The following MTOR variants were observed in gnomAD, a reference collection of about 807,000 sequenced individuals.
The protein encoded by MTOR is serine/threonine-protein kinase mTOR.
In MTOR, 70 loss-of-function variants were observed where a neutral mutation model predicts 319.8. The observed-to-expected ratio is 0.22, with a 90% CI of 0.18 to 0.27. MTOR has a LOEUF of 0.27. MTOR is among the 10% of genes least tolerant of loss of function. The pLI is 1.00. For synonymous variants in MTOR, 1,183 were observed against 1,211.4 expected, an observed-to-expected ratio of 0.98 and a Z score of 0.49; for missense variants, 1,890 against 3,274.4, an observed-to-expected ratio of 0.58 and a Z score of 10.32.
intron 20 of MTOR, among the ~76,000 whole-genome samples, chr1:11,214,696 T>C (rs1327235082): frequency 6.6e-6 from 1 of 152,242 alleles, no homozygotes; most frequent in African/African-American, 2.4e-5. Context: ...TAGAAGATGC[T>C]GGTAAAACTT....
In MTOR at chr1:11,199,510, C is replaced by T. The variant is rs182866959; in HGVS notation, c.4107+31G>A. The T allele has an allele frequency of 3.7e-4, 601 of 1,613,884 alleles. 1 individual carries two copies. Among genetic ancestry groups the T allele is most frequent in the Admixed American group, 6.0e-4 (36 of 60,012 alleles). ...CTCCCACCAGCTGGTTCCCTGTCAGCCTCCATCTGGACAATGGGGAAAAGT... is the reference window on the plus strand; with the variant it reads ...CTCCCACCAGCTGGTTCCCTGTCAGTCTCCATCTGGACAATGGGGAAAAGT... On this transcript the variant is annotated intron_variant, in intron 27 of 57. Coordinates refer to ENST00000361445, the MANE Select transcript of MTOR (RefSeq NM_004958.4). The surrounding 1 kb of genome is among the most constrained non-coding windows in gnomAD (Gnocchi z 4.5).
At chr1:11,238,235 C>T (rs1475322839) in intron 12 of MTOR, among the ~76,000 whole-genome samples, 167 bp downstream of exon 12, 1 of 152,220 alleles carries the variant, frequency 6.6e-6, no homozygotes, top group Admixed American at 6.5e-5. Context: ...GATTATCTTA[C>T]ACCAAAGGCT....
In MTOR at chr1:11,234,169, G is replaced by A. The variant is rs755081819; in HGVS notation, c.2305C>T (p.Arg769Cys). Residue 769 changes from arginine to cysteine, a missense_variant, in exon 14 of 58, where the codon CGC becomes TGC. By Grantham distance (180) the Arg-to-Cys change is radical. This residue lies in a region of MTOR where 377 missense variants were observed against 653.9 expected (regional missense o/e 0.58). Coordinates refer to ENST00000361445, the MANE Select transcript of MTOR (RefSeq NM_004958.4). Reference sequence around the variant, plus strand: ...TTCAGAATAGGCTCCATGTAGGGGCGGATGAGTCGGGGGGCATTGGAGACC... The same window carrying A: ...TTCAGAATAGGCTCCATGTAGGGGCAGATGAGTCGGGGGGCATTGGAGACC... ...HLVSNAPRLI[R>C]PYMEPILKAL... The A allele has an allele frequency of 5.0e-6, 8 of 1,614,018 alleles. No individual in the cohort carries two copies. The highest frequency in any genetic ancestry group is 1.3e-5 in the African/African-American group (1 of 74,912).
At chr1:11,249,673 G>A (rs373387877) in intron 6 of MTOR, among the ~76,000 whole-genome samples, 9 of 137,998 alleles carry the variant, frequency 6.5e-5, no homozygotes, top group South Asian at 5.5e-4. Flanking sequence ...ATCTTGCACC[G>A]CCCTTAATCC....
rs1642910883 is a variant in MTOR, at chr1:11,127,678, C to T, written c.6162G>A (p.Leu2054=). 3 of 1,614,090 alleles carry T rather than the reference C, an allele frequency of 1.9e-6. No individual in the cohort carries two copies. Among genetic ancestry groups the T allele is most frequent in the Admixed American group, 1.7e-5 (1 of 60,026 alleles). The change falls in exon 44 of 58, where the codon TTG becomes TTA. Residue 2054 remains leucine (L), a synonymous_variant. Transcript: ENST00000361445. This position sits in a 1 kb window ranked among gnomAD's most constrained non-coding sequence, Gnocchi z 5.5. ...GGGGGCCCCGTTCCATCATAGCATG[C>T]AAGGGCTCCAGCACCTCAAACATGC... is the stretch of plus-strand genomic sequence containing the variant. ...VKGMFEVLEP[L]HAMMERGPQT...
Position 11,247,648 on chromosome 1 carries a change from G to A in MTOR, c.1202C>T (p.Ala401Val), listed in dbSNP as rs750778887. ...TILNLLPRLA[A>V]FRPSAFTDTQ... ...ACCTGTGAAGGCAGAAGGTCGGAAT[G>A]CAGCCAAGCGGGGCAACAAATTAAG... Residue 401 changes from alanine (A) to valine (V), a missense_variant, in exon 8 of 58, where the codon GCA (alanine) becomes GTA (valine). Physicochemically the swap from Ala to Val is moderately conservative, Grantham distance 64. Transcript: ENST00000361445. 1.2e-6 allele frequency: 2 copies of A among 1,614,080 alleles called. No homozygotes were observed. Among genetic ancestry groups the A allele is most frequent in the African/African-American group, 1.3e-5 (1 of 74,932 alleles).
intron 18 of MTOR, among the ~76,000 whole-genome samples, chr1:11,229,405 G>A (rs1191518980): frequency 6.6e-6 from 1 of 152,146 alleles, no homozygotes; most frequent in African/African-American, 2.4e-5. Context: ...GGCAGCGGGG[G>A]CAGTGGCAAG....
rs187468431 is a variant in MTOR, at chr1:11,160,004, T to C, written c.4330-2713A>G. On this transcript the variant is annotated intron_variant, in intron 29 of 57. Transcript: ENST00000361445. Reference sequence around the variant, plus strand: ...ATTTTAAATATTGGTAGGCCAAAGATGGCAGTAGGGAAGTAGCTATGTAAG... The same window carrying C: ...ATTTTAAATATTGGTAGGCCAAAGACGGCAGTAGGGAAGTAGCTATGTAAG... Among the ~76,000 whole-genome samples, 533 of 152,258 alleles carry C rather than the reference T, an allele frequency of 3.5e-3. 6 individuals are homozygous for C. The highest frequency in any genetic ancestry group is 0.012 in the African/African-American group (504 of 41,548).
chr1:11,258,299 G>A (rs1406124161), intron 3 of MTOR, among the ~76,000 whole-genome samples, 186 bp downstream of exon 3: 2 of 152,276 alleles, frequency 1.3e-5, no homozygotes, highest in Non-Finnish European at 2.9e-5. Flanking sequence ...ATGGTTCCGA[G>A]ACTCCACTTC....
At position 11,127,045 on chromosome 1, in the gene MTOR, G is replaced by A. The variant is rs2100401440; in HGVS notation, c.6316C>T (p.His2106Tyr). 1 of 1,614,194 alleles carries A rather than the reference G, an allele frequency of 6.2e-7. No homozygotes were observed. Among genetic ancestry groups the A allele is most frequent in the Non-Finnish European group, 8.5e-7 (1 of 1,180,042 alleles). Residue 2106 changes from histidine (H) to tyrosine (Y), a missense_variant, in exon 45 of 58, where the codon CAT (histidine) becomes TAT (tyrosine). Transcript: ENST00000361445. The surrounding 1 kb of genome is among the most constrained non-coding windows in gnomAD (Gnocchi z 5.5). ...DLTQAWDLYY[H>Y]VFRRISKQLP... ...TGCTTTGAGATTCGTCGGAACACAT[G>A]ATAATAGAGGTCCCAGGCTTGGGTG...
At chr1:11,161,615 T>G (rs982450841) in intron 29 of MTOR, among the ~76,000 whole-genome samples, 1 of 152,118 alleles carries the variant, frequency 6.6e-6, no homozygotes, top group Admixed American at 6.5e-5. Flanking sequence ...GCAGCAACAT[T>G]GGCTGCTCTG....
In MTOR at chr1:11,212,459, A is replaced by G; in HGVS notation, c.3414T>C (p.Thr1138=). ...CCAGGGACTCCGTCAGGCGGTCCAC[A>G]GTCTCTAGCGCTGCCCTACAACAAT... is the stretch of plus-strand genomic sequence containing the variant. ...PLPSRKAALE[T]VDRLTESLDF... Residue 1138 remains threonine (T), a synonymous_variant, in exon 23 of 58, where the codon ACT becomes ACC. Coordinates refer to ENST00000361445, the MANE Select transcript of MTOR (RefSeq NM_004958.4). The surrounding 1 kb of genome is among the most constrained non-coding windows in gnomAD (Gnocchi z 4.1). 6.2e-7 allele frequency: 1 copy of G among 1,614,032 alleles called. No individual in the cohort carries two copies. Among genetic ancestry groups the G allele is most frequent in the Non-Finnish European group, 8.5e-7 (1 of 1,179,960 alleles).
intron 19 of MTOR, among the ~76,000 whole-genome samples, chr1:11,223,469 G>A (rs900748863): frequency 3.9e-5 from 6 of 151,968 alleles, no homozygotes; most frequent in African/African-American, 9.7e-5. Flanking sequence ...TACATGTGTC[G>A]GGGGGAAAGG....
At chr1:11,228,636 G>C in intron 19 of MTOR, 32 bp downstream of exon 19, 3 of 1,607,130 alleles carry the variant, frequency 1.9e-6, no homozygotes, top group Non-Finnish European at 2.6e-6. Context: ...GTGCAGAGGA[G>C]AAAGAGAAGG....
intron 19 of MTOR, among the ~76,000 whole-genome samples, chr1:11,222,083 T>C (rs926823681): frequency 3.3e-5 from 5 of 151,926 alleles, no homozygotes; most frequent in South Asian, 2.1e-4. Flanking sequence ...AATTGATAAA[T>C]TGATAAATAA....
chr1:11,195,225 C>T (rs928000109), intron 28 of MTOR: 1 of 594,908 alleles, frequency 1.7e-6, no homozygotes, highest in Non-Finnish European at 2.9e-6. Context: ...ACTATTTAAA[C>T]CCACTGGGTC....
rs1053384584 is a variant in MTOR, at chr1:11,133,924, A to G, written c.5246+427T>C. ...AGGCTCTATGCCTGTTCTTTTGTAG[A>G]GACCTCATTTCTACAAAAAACTAGC... On this transcript the variant is annotated intron_variant, in intron 37 of 57. Coordinates refer to ENST00000361445, the MANE Select transcript of MTOR (RefSeq NM_004958.4). The surrounding 1 kb of genome is among the most constrained non-coding windows in gnomAD (Gnocchi z 4.0). Among the ~76,000 whole-genome samples, 2 of 152,136 alleles carry G rather than the reference A, an allele frequency of 1.3e-5. No individual in the cohort carries two copies. Among genetic ancestry groups the G allele is most frequent in the Non-Finnish European group, 2.9e-5 (2 of 68,024 alleles).
chr1:11,146,532 T>C (rs1422213279), intron 32 of MTOR, 144 bp downstream of exon 32: 2 of 657,066 alleles, frequency 3.0e-6, no homozygotes, highest in East Asian at 2.7e-5. Flanking sequence ...CTGAGTACAA[T>C]GAATCAAAAC....
intron 19 of MTOR, among the ~76,000 whole-genome samples, chr1:11,227,893 TG>T (rs1217847782): frequency 3.3e-5 from 5 of 152,072 alleles, no homozygotes; most frequent in Non-Finnish European, 7.3e-5. Context: ...TACTCACTAA[TG>T]GCAAAGGAAA....
Sources: gnomAD v4.1 joint callset for allele counts (sites outside exome capture counted in the v4.1 genomes callset) on GRCh38, gnomAD v4.1.1 for gene constraint, gnomAD v4.1.1 regional missense constraint, Gnocchi (gnomAD v3.1) non-coding constraint, MANE v1.5 for transcripts, NCBI Gene and HGNC (gene_info 2026-07-23, HGNC 2026-07-21) for gene names.